VCAN: variants seen among roughly 807,000 people sequenced by gnomAD.
VCAN encodes the protein versican, also known as versican core protein.
In VCAN, 44 loss-of-function variants were observed where a neutral mutation model predicts 245.5. The observed-to-expected ratio is 0.18, with a 90% CI of 0.14 to 0.23. The LOEUF (loss-of-function observed/expected upper bound fraction) is 0.23. VCAN is among the 10% of genes least tolerant of loss of function. The pLI is 1.00. For missense variants in VCAN, 3,793 were observed against 4,057.9 expected, an observed-to-expected ratio of 0.93 and a Z score of 1.77; for synonymous variants, 1,413 against 1,437.0, an observed-to-expected ratio of 0.98 and a Z score of 0.38.
chr5:83,512,649 T>TC, intron 6 of VCAN: 1 of 439,692 alleles, frequency 2.3e-6, no homozygotes, highest in African/African-American at 2.0e-5. Flanking sequence ...CTCTGTTGTG[T>TC]CCAGAGCCAC....
chr5:83,556,628 A>T (rs1440520854), intron 12 of VCAN, among the ~76,000 whole-genome samples: 2 of 152,132 alleles, frequency 1.3e-5, no homozygotes, highest in Admixed American at 6.6e-5. Context: ...TTGGATCTGT[A>T]TCTGCAATTG....
intron 10 of VCAN, among the ~76,000 whole-genome samples, chr5:83,550,383 T>C (rs1170841915): frequency 6.6e-6 from 1 of 152,194 alleles, no homozygotes; most frequent in Non-Finnish European, 1.5e-5. Flanking sequence ...AAGCATAAGA[T>C]GTCTTTCCAT....
At chr5:83,547,786 C>G (rs1211999028) in intron 9 of VCAN, among the ~76,000 whole-genome samples, 185 bp from the exon 10 acceptor site, 1 of 152,148 alleles carries the variant, frequency 6.6e-6, no homozygotes, top group Non-Finnish European at 1.5e-5. Context: ...AACGAAATAA[C>G]TTTGTAGTAT....
rs1055500589 is a variant in VCAN, at chr5:83,553,221, T to C, written c.9494-143T>C. 3.7e-6 allele frequency: 4 copies of C among 1,079,100 alleles called. No homozygotes were observed. In the African/African-American group the frequency reaches 6.2e-5, roughly 17 times the overall value. The allele number at this position is 1,079,100 out of a possible 1,614,324, so 66.8% of individuals were successfully genotyped here. A position where few individuals can be genotyped will look rare whatever the true frequency, so the allele number is the denominator to read the frequency against. The stretch of plus-strand genomic sequence containing the variant: ...GGCTCACTTCATAATAATTTCTTTG[T>C]CATCGTGACCAAATTTTATGAATCA... On this transcript the variant is annotated intron_variant, in intron 10 of 14. Coordinates refer to ENST00000265077, the MANE Select transcript of VCAN (RefSeq NM_004385.5).
rs1747547442 is a variant in VCAN at position 83,553,426 on chromosome 5, C to T, written c.9556C>T (p.His3186Tyr). The change falls in exon 11 of 15, where the codon CAT (histidine) becomes TAT (tyrosine). Residue 3186 changes from histidine (H) to tyrosine (Y), a missense_variant. Transcript: ENST00000265077. ...AGGGCAGTGCTACAAATACTTTGCC[C>T]ATCGACGCACATGGGATGCAGCTGA... ...FQGQCYKYFA[H>Y]RRTWDAAERE... 6.2e-7 allele frequency: 1 copy of T among 1,614,066 alleles called. No individual in the cohort carries two copies. Among genetic ancestry groups the T allele is most frequent in the African/African-American group, 1.3e-5 (1 of 75,022 alleles).
intron 10 of VCAN, among the ~76,000 whole-genome samples, chr5:83,549,627 G>T (rs902926693): frequency 2.0e-5 from 3 of 152,164 alleles, no homozygotes; most frequent in Admixed American, 2.0e-4. Flanking sequence ...AGGGACTTTG[G>T]TGCCATTGAC....
At chr5:83,529,681 T>G (rs1488109560) in intron 7 of VCAN, among the ~76,000 whole-genome samples, 6 of 152,108 alleles carry the variant, frequency 3.9e-5, no homozygotes, top group Non-Finnish European at 8.8e-5. Flanking sequence ...AGTTGTTATA[T>G]AATTAAAAAT....
intron 10 of VCAN, among the ~76,000 whole-genome samples, chr5:83,549,394 T>A (rs1290727118): frequency 1.3e-5 from 2 of 152,280 alleles, no homozygotes; most frequent in Non-Finnish European, 2.9e-5. Context: ...TGGCATAGCA[T>A]TTCTATGCAT....
Position 83,538,601 on chromosome 5 carries a change from A to G in VCAN, c.5598A>G (p.Val1866=). 6.2e-7 allele frequency: 1 copy of G among 1,614,100 alleles called. No homozygotes were observed. The highest frequency in any genetic ancestry group is 8.5e-7 in the Non-Finnish European group (1 of 1,179,960). The change falls in exon 8 of 15, where the codon GTA becomes GTG. Residue 1866 remains valine, a synonymous_variant. Coordinates refer to ENST00000265077, the MANE Select transcript of VCAN (RefSeq NM_004385.5). ...ATGCAATTCAAGCCGAAAAGGAAGTAGCTGGCACTTTGTCTCCGCATGTGG... is the reference window on the plus strand; with the variant it reads ...ATGCAATTCAAGCCGAAAAGGAAGTGGCTGGCACTTTGTCTCCGCATGTGG... The part of the protein sequence containing the change: ...VEYAIQAEKE[V]AGTLSPHVET...
chr5:83,488,835 T>G (rs1158609182), intron 2 of VCAN, among the ~76,000 whole-genome samples: 1 of 152,228 alleles, frequency 6.6e-6, no homozygotes, highest in Non-Finnish European at 1.5e-5. Context: ...AATATGATAC[T>G]ATATTAATTA....
Position 83,521,402 on chromosome 5 carries a change from G to A in VCAN, c.3096G>A (p.Gln1032=), listed in dbSNP as rs552692378. ...CAAAAATCACAGAGGGAACAACTCA[G>A]GAAGAATTCCCTTGGAAAGAACAGA... ...RTTKITEGTT[Q]EEFPWKEQTA... Residue 1032 remains glutamine (Q), a synonymous_variant, in exon 7 of 15, where the codon CAG becomes CAA. Transcript: ENST00000265077. 3.3e-5 allele frequency: 53 copies of A among 1,614,074 alleles called. No homozygotes were observed. The East Asian group carries it at 1.0e-3, about 31-fold the overall frequency.
At chr5:83,485,153 G>A (rs1561226106) in intron 2 of VCAN, among the ~76,000 whole-genome samples, 1 of 152,212 alleles carries the variant, frequency 6.6e-6, no homozygotes, top group Non-Finnish European at 1.5e-5. Context: ...GAGAGGCTAA[G>A]CAGCTTGCTC....
At chr5:83,494,206 T>C (rs1452098453) in intron 5 of VCAN, among the ~76,000 whole-genome samples, 3 of 152,206 alleles carry the variant, frequency 2.0e-5, no homozygotes, top group Non-Finnish European at 4.4e-5. Flanking sequence ...AATACACTTT[T>C]AGATCATTGA....
chr5:83,536,079 C>T (rs1408991187), intron 7 of VCAN: 1 of 152,080 alleles, frequency 6.6e-6, no homozygotes, highest in Non-Finnish European at 1.5e-5. Context: ...GGCCATTGAG[C>T]TTAGTGGTTG....
chr5:83,568,302 G>A (rs1748160311), intron 12 of VCAN, among the ~76,000 whole-genome samples: 1 of 152,132 alleles, frequency 6.6e-6, no homozygotes, highest in Non-Finnish European at 1.5e-5. Context: ...CTGCACAATG[G>A]AATGATCAGA....
chr5:83,540,631 T>C lies in VCAN; in HGVS notation c.7628T>C (p.Ile2543Thr). ...AACAGAAAAAAACCCACTGAAAATA[T>C]TATCATAGACCTGGACAAAGAGGAC... is the stretch of plus-strand genomic sequence containing the variant. ...KPNRKKPTEN[I>T]IIDLDKEDKD... The change falls in exon 8 of 15, where the codon ATT (isoleucine) becomes ACT (threonine). Residue 2543 changes from isoleucine to threonine, a missense_variant. By Grantham distance (89) the Ile-to-Thr change is moderately conservative. Transcript: ENST00000265077. 3 of 1,613,872 alleles carry C rather than the reference T, an allele frequency of 1.9e-6. No individual in the cohort carries two copies. Among genetic ancestry groups the C allele is most frequent in the Non-Finnish European group, 2.5e-6 (3 of 1,179,956 alleles).
chr5:83,512,564 T>C (rs1349362798), intron 6 of VCAN, 168 bp downstream of exon 6: 15 of 880,560 alleles, frequency 1.7e-5, no homozygotes, highest in Non-Finnish European at 2.2e-5. Flanking sequence ...AGCAGTGATA[T>C]GGTTAAAACC....
chr5:83,527,332 G>A (rs1313195585), intron 7 of VCAN, among the ~76,000 whole-genome samples: 1 of 152,114 alleles, frequency 6.6e-6, no homozygotes, highest in Non-Finnish European at 1.5e-5. Context: ...AAAGTGGATG[G>A]GTCTGGTGCC....
rs794727913 is a variant in VCAN at position 83,539,937 on chromosome 5, G to A, written c.6934G>A (p.Gly2312Arg). The change falls in exon 8 of 15, where the codon GGA becomes AGA. Residue 2312 changes from glycine to arginine, a missense_variant. By Grantham distance (125) the Gly-to-Arg change is moderately radical (BLOSUM62 -2). Coordinates refer to ENST00000265077, the MANE Select transcript of VCAN (RefSeq NM_004385.5). ...NRMENVAKEV[G>R]PLVSQTDIFE... ...AATGGAAAATGTGGCAAAAGAAGTT[G>A]GACCACTCGTATCTCAAACAGACAT... 6.2e-7 allele frequency: 1 copy of A among 1,614,088 alleles called. No homozygotes were observed. Among genetic ancestry groups the A allele is most frequent in the African/African-American group, 1.3e-5 (1 of 75,030 alleles).
Sources: gnomAD v4.1 joint callset for allele counts (sites outside exome capture counted in the v4.1 genomes callset) on GRCh38, gnomAD v4.1.1 for gene constraint, MANE v1.5 for transcripts, NCBI Gene and HGNC (gene_info 2026-07-23, HGNC 2026-07-21) for gene names.